The following ZFAT variants were observed in gnomAD, a reference collection of about 807,000 sequenced individuals.
ZFAT encodes the protein zinc finger protein ZFAT.
A neutral mutation model predicts 117.7 loss-of-function variants in ZFAT; 64 were observed. The ratio of observed to expected loss-of-function variants is 0.54; its 90% confidence interval spans 0.44 to 0.67. The LOEUF is 0.67. Ranked by LOEUF, ZFAT falls within the 30% of genes least tolerant of loss-of-function variation. The pLI, the probability that ZFAT is intolerant of heterozygous loss-of-function variation, is 0.00. For missense variants in ZFAT, 1,433 were observed against 1,584.5 expected, an observed-to-expected ratio of 0.90 and a Z score of 1.62; for synonymous variants, 679 against 615.0, an observed-to-expected ratio of 1.10 and a Z score of -1.54.
chr8:134,544,602 A>C (rs1822553054), intron 11 of ZFAT, among the ~76,000 whole-genome samples: 1 of 152,276 alleles, frequency 6.6e-6, no homozygotes, highest in African/African-American at 2.4e-5. Flanking sequence ...ATAACAACAA[A>C]ATCACCCAAC....
At chr8:134,726,039 G>C in the ZFAT span, among the ~76,000 whole-genome samples, 1 of 152,128 alleles carries the variant, frequency 6.6e-6, no homozygotes, top group Non-Finnish European at 1.5e-5. Context: ...CCTAGGCTCT[G>C]TGGGTACAAT....
intron 1 of ZFAT, among the ~76,000 whole-genome samples, chr8:134,701,506 A>G (rs57231250): frequency 0.37 from 55,626 of 152,130 alleles, 10,216 homozygotes; most frequent in East Asian, 0.4. Flanking sequence ...TCTGCTTTCA[A>G]TTTTGGGAAA....
In ZFAT at chr8:134,602,939, A is replaced by C; in HGVS notation, c.786-6T>G. On this transcript the variant is annotated splice_polypyrimidine_tract_variant and splice_region_variant and intron_variant, in intron 5 of 15. Coordinates refer to ENST00000377838, the MANE Select transcript of ZFAT (RefSeq NM_020863.4). ...TGAGCTGAGTGGGACCTAGCCTAGA[A>C]ACAGATGACAGCATGGTTACATCTG... 1 of 1,597,474 alleles carries C rather than the reference A, an allele frequency of 6.3e-7. No individual in the cohort carries two copies. Among genetic ancestry groups the C allele is most frequent in the Non-Finnish European group, 8.5e-7 (1 of 1,171,588 alleles).
At chr8:134,657,539 C>T in intron 2 of ZFAT, 22 bp downstream of exon 2, 1 of 1,586,886 alleles carries the variant, frequency 6.3e-7, no homozygotes, top group Non-Finnish European at 8.6e-7. Flanking sequence ...AGGTATCCTG[C>T]CCCACCCCCC....
intron 3 of ZFAT, among the ~76,000 whole-genome samples, chr8:134,613,605 G>A (rs181082508): frequency 2.0e-5 from 3 of 152,146 alleles, no homozygotes; most frequent in Admixed American, 6.5e-5. Flanking sequence ...CACCCTACCC[G>A]TTCCCAATAC....
the ZFAT span, among the ~76,000 whole-genome samples, chr8:134,740,177 G>T: frequency 6.6e-6 from 1 of 152,304 alleles, no homozygotes; most frequent in South Asian, 2.1e-4. Context: ...TTGTCTCGGG[G>T]AAATCCACTC....
the ZFAT span, among the ~76,000 whole-genome samples, chr8:134,787,989 C>T: frequency 6.6e-6 from 1 of 152,094 alleles, no homozygotes; most frequent in Non-Finnish European, 1.5e-5. Flanking sequence ...ATGCACACAA[C>T]CAGTTGTCTA....
chr8:134,503,915 AAC>A (rs144794990), intron 15 of ZFAT, among the ~76,000 whole-genome samples: 135 of 148,964 alleles, frequency 9.1e-4, no homozygotes, highest in East Asian at 8.5e-3. Context: ...TTTGAACACA[AAC>A]ACACACACAC....
the ZFAT span, among the ~76,000 whole-genome samples, chr8:134,734,912 T>C: frequency 6.6e-6 from 1 of 152,168 alleles, no homozygotes; most frequent in East Asian, 1.9e-4. Context: ...CATAGCCCTG[T>C]CCTGCCTCCA....
At chr8:134,529,125 G>A (rs772172542) in intron 12 of ZFAT, among the ~76,000 whole-genome samples, 43 of 152,142 alleles carry the variant, frequency 2.8e-4, no homozygotes, top group Admixed American at 6.5e-4. Context: ...AAGGTCCACA[G>A]TGATCAAAAA....
chr8:134,782,254 G>A, the ZFAT span, among the ~76,000 whole-genome samples: 2 of 152,186 alleles, frequency 1.3e-5, no homozygotes, highest in African/African-American at 2.4e-5. Flanking sequence ...TCTTCTCAAC[G>A]TAGAGTCACA....
At chr8:134,581,645 G>A (rs562959561) in intron 10 of ZFAT, among the ~76,000 whole-genome samples, 29 of 152,174 alleles carry the variant, frequency 1.9e-4, no homozygotes, top group Non-Finnish European at 7.4e-5. Context: ...GAGTGCAGTG[G>A]TGCGATCTTG....
chr8:134,535,908 G>GA (rs1369203495), intron 11 of ZFAT, among the ~76,000 whole-genome samples: 1 of 152,110 alleles, frequency 6.6e-6, no homozygotes, highest in African/African-American at 2.4e-5. Context: ...AAGAAAAAGT[G>GA]AAAATGCTAT....
At chr8:134,737,194 C>T in the ZFAT span, among the ~76,000 whole-genome samples, 79 of 152,106 alleles carry the variant, frequency 5.2e-4, no homozygotes, top group South Asian at 6.2e-4. Flanking sequence ...GCAGGAGAAT[C>T]GCTTGAACCT....
At chr8:134,680,596 T>C (rs181876993) in intron 1 of ZFAT, among the ~76,000 whole-genome samples, 1 of 152,260 alleles carries the variant, frequency 6.6e-6, no homozygotes, top group East Asian at 1.9e-4. Context: ...GCAGGAGTAA[T>C]GACACAAACG....
intron 3 of ZFAT, among the ~76,000 whole-genome samples, chr8:134,627,824 G>C (rs1357045796): frequency 6.6e-6 from 1 of 152,170 alleles, no homozygotes; most frequent in Non-Finnish European, 1.5e-5. Context: ...AAAGTTACTT[G>C]GTCTGTTTGT....
chr8:134,812,036 C>T, the ZFAT span, among the ~76,000 whole-genome samples: 6 of 151,992 alleles, frequency 3.9e-5, no homozygotes, highest in Admixed American at 1.3e-4. Flanking sequence ...CCCAGCTACT[C>T]GAGAAGCTGA....
At chr8:134,830,227 A>C in the ZFAT span, among the ~76,000 whole-genome samples, 1 of 152,244 alleles carries the variant, frequency 6.6e-6, no homozygotes, top group South Asian at 2.1e-4. Flanking sequence ...TACAAGAAAT[A>C]ATCTTTTCAG....
At chr8:134,608,089 C>G (rs1828028053) in intron 5 of ZFAT, among the ~76,000 whole-genome samples, 1 of 152,098 alleles carries the variant, frequency 6.6e-6, no homozygotes, top group Admixed American at 6.5e-5. Flanking sequence ...TAATAGCAAA[C>G]ACAGCTTTTT....
Sources: gnomAD v4.1 joint callset for allele counts (sites outside exome capture counted in the v4.1 genomes callset) on GRCh38, gnomAD v4.1.1 for gene constraint, MANE v1.5 for transcripts, NCBI Gene and HGNC (gene_info 2026-07-23, HGNC 2026-07-21) for gene names.